The following PIK3R6 variants were observed in gnomAD, a reference collection of about 807,000 sequenced individuals.
PIK3R6 encodes the protein phosphoinositide-3-kinase regulatory subunit 6.
PIK3R6 carries 91 observed loss-of-function variants against 84.9 expected under a neutral mutation model. The observed-to-expected ratio is 1.07, with a 90% CI of 0.90 to 1.28. The LOEUF is 1.28. Among genes scored for constraint, PIK3R6 ranks in the 50% most tolerant of loss-of-function variants. The pLI is 0.00. For missense variants in PIK3R6, 996 were observed against 985.1 expected (o/e 1.01, Z -0.15); for synonymous variants, 416 against 411.4 (o/e 1.01, Z -0.13).
At chr17:8,813,191 T>C (rs773538366) in intron 18 of PIK3R6, among the ~76,000 whole-genome samples, 113 of 152,038 alleles carry the variant, frequency 7.4e-4, no homozygotes, top group African/African-American at 2.0e-3. Flanking sequence ...TTCCAAAGAT[T>C]GAACCAAGAG....
chr17:8,837,237 C>A (rs970683312), intron 5 of PIK3R6, among the ~76,000 whole-genome samples: 2 of 152,178 alleles, frequency 1.3e-5, no homozygotes, highest in African/African-American at 4.8e-5. Context: ...CACATTCCTG[C>A]GGTTCTCCAG....
chr17:8,865,287 G>A (rs2089380692), intron 1 of PIK3R6, among the ~76,000 whole-genome samples: 1 of 152,184 alleles, frequency 6.6e-6, no homozygotes. Context: ...TGGCTTCTCG[G>A]ACAAGCTGTT....
Position 8,821,087 on chromosome 17 carries a change from G to T in PIK3R6, c.1879+759C>A, listed in dbSNP as rs568336590. 3.3e-5 allele frequency among the ~76,000 whole-genome samples: 5 copies of T among 152,324 alleles called. No homozygotes were observed. The South Asian group carries it at 1.0e-3, about 32-fold the overall frequency. On this transcript the variant is annotated intron_variant, in intron 17 of 19. Coordinates refer to ENST00000619866, the MANE Select transcript of PIK3R6 (RefSeq NM_001010855.4). The stretch of plus-strand genomic sequence containing the variant: ...TAGATGGTGAACAAGATATAATTCT[G>T]CCTGGGTGAACTTACTTGTTTGCTC...
At chr17:8,824,623 T>C (rs577958565) in intron 13 of PIK3R6, among the ~76,000 whole-genome samples, 3 of 152,192 alleles carry the variant, frequency 2.0e-5, no homozygotes, top group Non-Finnish European at 2.9e-5. Context: ...CATAGGGCCA[T>C]TCAAATTGTT....
chr17:8,821,007 A>G (rs1406077037), intron 17 of PIK3R6, among the ~76,000 whole-genome samples: 1 of 152,238 alleles, frequency 6.6e-6, no homozygotes, highest in Non-Finnish European at 1.5e-5. Flanking sequence ...CATTTATTCT[A>G]GAAATATTGA....
intron 18 of PIK3R6, among the ~76,000 whole-genome samples, chr17:8,813,338 C>T (rs898015131): frequency 2.6e-5 from 4 of 152,112 alleles, no homozygotes; most frequent in Non-Finnish European, 5.9e-5. Context: ...AGAACTGATA[C>T]TAATCTTACT....
intron 18 of PIK3R6, among the ~76,000 whole-genome samples, chr17:8,807,946 G>A (rs2087250437): frequency 1.3e-5 from 2 of 152,138 alleles, no homozygotes; most frequent in Admixed American, 1.3e-4. Flanking sequence ...GGACTTTCCT[G>A]GTGTTAGCAC....
chr17:8,829,147 A>T (rs932674710), intron 10 of PIK3R6, among the ~76,000 whole-genome samples, 157 bp from the exon 11 acceptor site: 1 of 152,142 alleles, frequency 6.6e-6, no homozygotes, highest in Non-Finnish European at 1.5e-5. Context: ...ACACACAGAG[A>T]CACACAGATG....
chr17:8,835,914 TCC>T (rs2151266292), intron 7 of PIK3R6, among the ~76,000 whole-genome samples: 1 of 152,190 alleles, frequency 6.6e-6, no homozygotes, highest in South Asian at 2.1e-4. Context: ...CCACTGTGTC[TCC>T]CCACCTCTCC....
chr17:8,830,914 A>G (rs2088210018), intron 9 of PIK3R6, among the ~76,000 whole-genome samples: 2 of 150,762 alleles, frequency 1.3e-5, no homozygotes, highest in Non-Finnish European at 3.0e-5. Context: ...GACGCCGAGG[A>G]GGGTGGATCA....
At position 8,839,574 on chromosome 17, in the gene PIK3R6, A is replaced by C. The variant is rs1472411508; in HGVS notation, c.97+40T>G. The C allele has an allele frequency of 6.7e-7, 1 of 1,496,814 alleles. No homozygotes were observed. Among genetic ancestry groups the C allele is most frequent in the Admixed American group, 2.0e-5 (1 of 50,194 alleles). 92.7% of individuals were successfully genotyped at this position (1,496,814 alleles called of 1,614,324 possible). On this transcript the variant is annotated intron_variant, in intron 3 of 19. Coordinates refer to ENST00000619866, the MANE Select transcript of PIK3R6 (RefSeq NM_001010855.4). The surrounding 1 kb of genome is among the most constrained non-coding windows in gnomAD (Gnocchi z 4.2). ...TGTATTGTTGGCTGGGGTTGGGTGG[A>C]GGTCAGAGGGACCAGCTGCTGCTGC...
At chr17:8,850,089 A>G (rs1404647815) in intron 1 of PIK3R6, among the ~76,000 whole-genome samples, 1 of 152,158 alleles carries the variant, frequency 6.6e-6, no homozygotes, top group South Asian at 2.1e-4. Flanking sequence ...GGATCACTTG[A>G]GGTCAGGAGT....
chr17:8,827,434 G>T, intron 12 of PIK3R6, 140 bp from the exon 13 acceptor site: 1 of 1,050,384 alleles, frequency 9.5e-7, no homozygotes, highest in Non-Finnish European at 1.3e-6. Flanking sequence ...AAGACACGTC[G>T]TTGTTCTGTT....
intron 2 of PIK3R6, among the ~76,000 whole-genome samples, chr17:8,848,621 G>A (rs1179385608): frequency 5.9e-5 from 9 of 152,160 alleles, no homozygotes; most frequent in Admixed American, 4.6e-4. Flanking sequence ...TTATGGGACC[G>A]CTGCTGTTTA....
chr17:8,829,702 G>A lies in PIK3R6; in HGVS notation c.889+4C>T, dbSNP rs150378778. On this transcript the variant is annotated splice_donor_region_variant and intron_variant, in intron 10 of 19. Transcript: ENST00000619866. ...TGTTTCCAGACAGCTCCATGGGCAC[G>A]TACAGAGCTGCTCCTCACCGGTCCA... 3.3e-3 allele frequency: 5,178 copies of A among 1,551,820 alleles called. 18 individuals carry two copies. Among genetic ancestry groups the A allele is most frequent in the Non-Finnish European group, 3.9e-3 (4,504 of 1,147,114 alleles).
At chr17:8,865,394 C>A (rs1865834714) in intron 1 of PIK3R6, among the ~76,000 whole-genome samples, 1 of 152,178 alleles carries the variant, frequency 6.6e-6, no homozygotes, top group East Asian at 1.9e-4. Context: ...TATACCACAG[C>A]TGCAGGAATA....
chr17:8,827,160 A>G lies in PIK3R6; in HGVS notation c.1515+12T>C. On this transcript the variant is annotated intron_variant, in intron 13 of 19. Transcript: ENST00000619866. ...CCCTCTCTCCCTCCCTGGTACCCTC[A>G]CCCTCCCCTACCATCTCAGCCAGCT... 1 of 1,609,222 alleles carries G rather than the reference A, an allele frequency of 6.2e-7. No individual in the cohort carries two copies. The highest frequency in any genetic ancestry group is 1.1e-5 in the South Asian group (1 of 90,316).
At chr17:8,848,542 A>C (rs2088865470) in intron 2 of PIK3R6, among the ~76,000 whole-genome samples, 1 of 151,588 alleles carries the variant, frequency 6.6e-6, no homozygotes, top group Admixed American at 6.5e-5. Context: ...GGCAGTTGTC[A>C]CACAATGGTA....
intron 3 of PIK3R6, 88 bp from the exon 4 acceptor site, chr17:8,838,743 C>T: frequency 7.7e-7 from 1 of 1,303,814 alleles, no homozygotes; most frequent in Admixed American, 2.1e-5. Flanking sequence ...GCCCTGGAGC[C>T]TCAGCTGCAG....
Sources: allele counts gnomAD v4.1 joint callset (sites outside exome capture counted in the v4.1 genomes callset), GRCh38; gene constraint gnomAD v4.1.1; non-coding constraint Gnocchi (gnomAD v3.1); transcripts MANE v1.5; gene names NCBI Gene and HGNC (gene_info 2026-07-23, HGNC 2026-07-21).